Variants in LCA5 observed in about 807,000 individuals in gnomAD.
LCA5 encodes lebercilin LCA5.
A neutral mutation model predicts 53.0 loss-of-function variants in LCA5; 37 were observed. The observed-to-expected ratio is 0.70, with a 90% CI of 0.54 to 0.92. The LOEUF is 0.92. Among genes scored for constraint, LCA5 ranks in the 40% least tolerant of loss-of-function variants. The probability of loss-of-function intolerance (pLI) is 0.00; values close to 1 mark genes in which losing one functional copy is unlikely to be tolerated. For missense variants in LCA5, 806 were observed against 790.5 expected, an observed-to-expected ratio of 1.02 and a Z score of -0.23; for synonymous variants, 303 against 282.9, an observed-to-expected ratio of 1.07 and a Z score of -0.71.
intron 1 of LCA5, among the ~76,000 whole-genome samples, chr6:79,532,181 A>C (rs2127690714): frequency 6.6e-6 from 1 of 152,286 alleles, no homozygotes; most frequent in South Asian, 2.1e-4. Context: ...AAAACAAGAC[A>C]CTTTAATCTC....
chr6:79,510,688 C>T (rs564702855), intron 3 of LCA5, among the ~76,000 whole-genome samples: 1 of 152,202 alleles, frequency 6.6e-6, no homozygotes, highest in East Asian at 1.9e-4. Flanking sequence ...AAACCACATA[C>T]CTGACAAAAC....
At chr6:79,535,695 T>C (rs1394979919) in intron 1 of LCA5, among the ~76,000 whole-genome samples, 1 of 152,130 alleles carries the variant, frequency 6.6e-6, no homozygotes, top group East Asian at 1.9e-4. Flanking sequence ...CTACAAAAGT[T>C]TGACAGTAAC....
At chr6:79,505,720 G>A (rs541986756) in intron 3 of LCA5, among the ~76,000 whole-genome samples, 1 of 152,196 alleles carries the variant, frequency 6.6e-6, no homozygotes, top group Non-Finnish European at 1.5e-5. Flanking sequence ...AAGAGGCAAA[G>A]GCAGGCTTCT....
intron 1 of LCA5, among the ~76,000 whole-genome samples, chr6:79,529,503 A>ATT (rs1440613181): frequency 1.3e-5 from 2 of 152,080 alleles, no homozygotes; most frequent in Non-Finnish European, 2.9e-5. Context: ...GGAAATCGAA[A>ATT]TTTAAGAGAG....
intron 3 of LCA5, among the ~76,000 whole-genome samples, chr6:79,496,288 T>C (rs191268327): frequency 0.011 from 1,608 of 152,278 alleles, 33 homozygotes; most frequent in Non-Finnish European, 0.012. Context: ...AAAACATACA[T>C]CTACTATATA....
At chr6:79,495,217 T>G (rs1266155400) in intron 3 of LCA5, among the ~76,000 whole-genome samples, 2 of 152,220 alleles carry the variant, frequency 1.3e-5, no homozygotes, top group East Asian at 3.9e-4. Flanking sequence ...TGCCTGATCA[T>G]CTGAGGTGGA....
intron 3 of LCA5, among the ~76,000 whole-genome samples, chr6:79,507,326 T>C (rs933123121): frequency 6.6e-6 from 1 of 152,154 alleles, no homozygotes; most frequent in Non-Finnish European, 1.5e-5. Flanking sequence ...TATTACTAAG[T>C]GAATTAAGAC....
intron 1 of LCA5, among the ~76,000 whole-genome samples, chr6:79,526,314 C>T (rs994358792): frequency 1.3e-5 from 2 of 151,998 alleles, no homozygotes; most frequent in African/African-American, 2.4e-5. Context: ...GAGGCCGACG[C>T]GGGTGGATCA....
Position 79,487,365 on chromosome 6 carries a change from T to C in LCA5, c.1733A>G (p.Asp578Gly), listed in dbSNP as rs1582610219. Residue 578 changes from aspartate to glycine, a missense_variant, in exon 8 of 8, where the codon GAT becomes GGT. Transcript: ENST00000369846. ...TTTTTCCATACTGTTTCTTTGGAAA[T>C]CCAAAAAACTACTTTTTTGACTAAA... Reference protein sequence around the residue: ...NPFSQKSSFLDFQRNSMEKLS... With the variant: ...NPFSQKSSFLGFQRNSMEKLS... 6.2e-7 allele frequency: 1 copy of C among 1,612,612 alleles called. No homozygotes were observed. Among genetic ancestry groups the C allele is most frequent in the Non-Finnish European group, 8.5e-7 (1 of 1,179,576 alleles).
intron 3 of LCA5, among the ~76,000 whole-genome samples, chr6:79,511,588 C>A (rs1770411373): frequency 6.6e-6 from 1 of 152,044 alleles, no homozygotes; most frequent in Non-Finnish European, 1.5e-5. Flanking sequence ...TGAAACTGCA[C>A]AGAACTAAAT....
chr6:79,509,469 A>G lies in LCA5; in HGVS notation c.720+3743T>C, dbSNP rs568463180. Among the ~76,000 whole-genome samples the G allele has an allele frequency of 1.3e-4, 19 of 151,930 alleles. No individual in the cohort carries two copies. In the South Asian group the frequency reaches 2.5e-3, roughly 20 times the overall value. On this transcript the variant is annotated intron_variant, in intron 3 of 7. Transcript: ENST00000369846. ...ACTCCGTCTCAAAAAAAAAAAAAAAAAAAGTAGGTTCATAATAACATATTA... is the reference window on the plus strand; with the variant it reads ...ACTCCGTCTCAAAAAAAAAAAAAAAGAAAGTAGGTTCATAATAACATATTA...
At chr6:79,508,290 T>C (rs1004541086) in intron 3 of LCA5, among the ~76,000 whole-genome samples, 3 of 152,140 alleles carry the variant, frequency 2.0e-5, no homozygotes, top group African/African-American at 4.8e-5. Context: ...CCTTTGGCTG[T>C]TTGCCTCCCT....
intron 1 of LCA5, chr6:79,525,357 A>G (rs1562112248): frequency 2.6e-5 from 4 of 152,246 alleles, no homozygotes; most frequent in Non-Finnish European, 5.9e-5. Flanking sequence ...ACCAATTCCT[A>G]GGACCCATCT....
Position 79,489,102 on chromosome 6 carries a change from C to A in LCA5, c.1213G>T (p.Val405Phe), listed in dbSNP as rs183336567. The A allele has an allele frequency of 2.7e-5, 43 of 1,613,266 alleles. No individual in the cohort carries two copies. Among genetic ancestry groups the A allele is most frequent in the Admixed American group, 5.0e-5 (3 of 59,952 alleles). ...TTCTTACCATCCTCCAGCTTTTCAA[C>A]CTCCTGTTTTACGACATGGAGTTCT... ...DEELHVVKQE[V>F]EKLEDEWERE... is the part of the protein sequence containing the mutation. Residue 405 changes from valine to phenylalanine, a missense_variant, in exon 7 of 8, where the codon GTT becomes TTT. Coordinates refer to ENST00000369846, the MANE Select transcript of LCA5 (RefSeq NM_001122769.3).
Position 79,489,068 on chromosome 6 carries a change from A to G in LCA5, c.1231+16T>C. On this transcript the variant is annotated intron_variant, in intron 7 of 7. Transcript: ENST00000369846. ...ATGCTGACTTGTCACATGCTTAAAC[A>G]AACTCTTTTTCTTACCATCCTCCAG... 6.2e-7 allele frequency: 1 copy of G among 1,612,556 alleles called. No individual in the cohort carries two copies.
chr6:79,531,934 C>G (rs1008028239), intron 1 of LCA5, among the ~76,000 whole-genome samples: 11 of 152,160 alleles, frequency 7.2e-5, no homozygotes, highest in Admixed American at 1.3e-4. Flanking sequence ...TTCAATTAGC[C>G]TGGCTTCCAC....
intron 1 of LCA5, among the ~76,000 whole-genome samples, chr6:79,531,273 C>T (rs1335668495): frequency 1.3e-5 from 2 of 152,136 alleles, no homozygotes; most frequent in Non-Finnish European, 2.9e-5. Flanking sequence ...CATTTCTGCT[C>T]CTTTTTAAAG....
chr6:79,531,032 C>A (rs1360919668), intron 1 of LCA5, among the ~76,000 whole-genome samples: 5 of 152,048 alleles, frequency 3.3e-5, no homozygotes, highest in Admixed American at 6.6e-5. Flanking sequence ...CTTTCCTTTG[C>A]AAAGATTTAG....
chr6:79,501,443 T>C (rs943007674), intron 3 of LCA5, among the ~76,000 whole-genome samples: 4 of 152,080 alleles, frequency 2.6e-5, no homozygotes, highest in East Asian at 1.9e-4. Context: ...GAGCCTAAGA[T>C]AGCACTCGAA....
Sources: gnomAD v4.1 joint callset for allele counts (sites outside exome capture counted in the v4.1 genomes callset) on GRCh38, gnomAD v4.1.1 for gene constraint, MANE v1.5 for transcripts, NCBI Gene and HGNC (gene_info 2026-07-23, HGNC 2026-07-21) for gene names.